Variants in PLCG1 observed in about 807,000 individuals in gnomAD.
The protein encoded by PLCG1 is 1-phosphatidylinositol 4,5-bisphosphate phosphodiesterase gamma-1.
Under a neutral mutation model 177.8 loss-of-function variants are expected in PLCG1, and 71 were observed. The ratio of observed to expected loss-of-function variants is 0.40; its 90% CI spans 0.33 to 0.49. The LOEUF (loss-of-function observed/expected upper bound fraction) is 0.49. PLCG1 is among the 20% of genes least tolerant of loss of function. The pLI is 0.72. For missense variants in PLCG1, 1,281 were observed against 1,709.0 expected, an observed-to-expected ratio of 0.75 and a Z score of 4.42; for synonymous variants, 658 against 647.9, an observed-to-expected ratio of 1.02 and a Z score of -0.24.
intron 24 of PLCG1, among the ~76,000 whole-genome samples, chr20:41,171,194 C>T (rs907094983): frequency 1.3e-5 from 2 of 152,142 alleles, no homozygotes; most frequent in Non-Finnish European, 2.9e-5. Flanking sequence ...GGATAGGGTG[C>T]TTGCCAGGCT....
rs770977029 is a variant in PLCG1, at chr20:41,173,186, T to C, written c.3280-234T>C. ...GTAATGGATTTAACATGAAGTAGATTGCAAAACTCACATGGAAATTTTGGC... is the reference window on the plus strand; with the variant it reads ...GTAATGGATTTAACATGAAGTAGATCGCAAAACTCACATGGAAATTTTGGC... On this transcript the variant is annotated intron_variant, in intron 27 of 31. Coordinates refer to ENST00000685551, the MANE Select transcript of PLCG1 (RefSeq NM_002660.3). This position sits in a 1 kb window ranked among gnomAD's most constrained non-coding sequence, Gnocchi z 6.2. Among the ~76,000 whole-genome samples the C allele has an allele frequency of 6.6e-6, 1 of 152,174 alleles. No homozygotes were observed. Among genetic ancestry groups the C allele is most frequent in the Non-Finnish European group, 1.5e-5 (1 of 68,014 alleles).
At position 41,172,410 on chromosome 20, in the gene PLCG1, G is replaced by C. The variant is rs750646746; in HGVS notation, c.2906-11G>C. 1.9e-6 allele frequency: 3 copies of C among 1,613,010 alleles called. No homozygotes were observed. In the South Asian group the frequency reaches 3.3e-5, roughly 18 times the overall value. On this transcript the variant is annotated splice_polypyrimidine_tract_variant and intron_variant, in intron 25 of 31. Transcript: ENST00000685551. The surrounding 1 kb of genome is among the most constrained non-coding windows in gnomAD (Gnocchi z 7.0). ...GGCGGGCTCTGTAAGTGTTTTCCCT[G>C]TTTGGCCCAGAGATTGGCACAGAAC... is the stretch of plus-strand genomic sequence containing the variant.
In PLCG1 at chr20:41,166,328, G is replaced by A. The variant is rs756135063; in HGVS notation, c.1934G>A (p.Arg645His). The A allele has an allele frequency of 3.1e-6, 5 of 1,614,168 alleles. No individual in the cohort carries two copies. The highest frequency in any genetic ancestry group is 1.7e-5 in the Admixed American group (1 of 60,034). ...ACGCACTACCAGCAGGTGCCCCTGC[G>A]CTGTAATGAGTTTGAGATGCGACTT... The part of the protein sequence containing the change: ...LITHYQQVPL[R>H]CNEFEMRLSE... Residue 645 changes from arginine (R) to histidine (H), a missense_variant, in exon 17 of 32, where the codon CGC becomes CAC. Coordinates refer to ENST00000685551, the MANE Select transcript of PLCG1 (RefSeq NM_002660.3). This position sits in a 1 kb window ranked among gnomAD's most constrained non-coding sequence, Gnocchi z 8.6.
intron 20 of PLCG1, 91 bp downstream of exon 20, chr20:41,168,020 T>G: frequency 1.1e-6 from 1 of 887,584 alleles, no homozygotes; most frequent in Admixed American, 2.0e-5. Context: ...CTGTGGTCTT[T>G]GTGGAGAAGT....
Position 41,174,389 on chromosome 20 carries a change from T to A in PLCG1, c.3833+78T>A. 6.3e-7 allele frequency: 1 copy of A among 1,599,968 alleles called. No homozygotes were observed. The highest frequency in any genetic ancestry group is 8.6e-7 in the Non-Finnish European group (1 of 1,168,476). ...TTCTTCAGTGTTTCTTTCTCCTGGG[T>A]AGAAAAGTTGTAATATTGTCTGGCA... On this transcript the variant is annotated intron_variant, in intron 31 of 31. Coordinates refer to ENST00000685551, the MANE Select transcript of PLCG1 (RefSeq NM_002660.3). The surrounding 1 kb of genome is among the most constrained non-coding windows in gnomAD (Gnocchi z 5.8).
chr20:41,157,237 T>TGTGC lies in PLCG1; in HGVS notation c.218-2366_218-2365insCGTG, dbSNP rs772007519. Among the ~76,000 whole-genome samples, 2 of 150,436 alleles carry TGTGC rather than the reference T, an allele frequency of 1.3e-5. No homozygotes were observed. Among genetic ancestry groups the TGTGC allele is most frequent in the Non-Finnish European group, 3.0e-5 (2 of 67,170 alleles). On this transcript the variant is annotated intron_variant, in intron 1 of 31. Transcript: ENST00000685551. The surrounding 1 kb of genome is among the most constrained non-coding windows in gnomAD (Gnocchi z 5.4). The stretch of plus-strand genomic sequence containing the variant: ...GTGTGTGTGTGTGTGTGTGTGTGTG[T>TGTGC]GTGTACAGTCACACTCACCTTTGCA...
intron 23 of PLCG1, 144 bp from the exon 24 acceptor site, chr20:41,169,968 G>T: frequency 1.4e-6 from 1 of 737,888 alleles, no homozygotes; most frequent in Non-Finnish European, 2.2e-6. Flanking sequence ...AAATGGGCCA[G>T]CAGAGTAGTC....
At position 41,167,678 on chromosome 20, in the gene PLCG1, A is replaced by C. The variant is rs2035747658; in HGVS notation, c.2302-174A>C. ...AGAATGTGAAGAAAGGAAAGGGAAC[A>C]GTGAGGCCGGGCCTGAGGCCTCTGA... On this transcript the variant is annotated intron_variant, in intron 19 of 31. Coordinates refer to ENST00000685551, the MANE Select transcript of PLCG1 (RefSeq NM_002660.3). This position sits in a 1 kb window ranked among gnomAD's most constrained non-coding sequence, Gnocchi z 4.4. 3.3e-6 allele frequency: 2 copies of C among 601,600 alleles called. No homozygotes were observed. The highest frequency in any genetic ancestry group is 5.8e-5 in the Admixed American group (2 of 34,206). The allele number at this position is 601,600 out of a possible 1,614,324, so 37.3% of individuals were successfully genotyped here.
At chr20:41,154,599 A>T (rs1340529555) in intron 1 of PLCG1, among the ~76,000 whole-genome samples, 1 of 150,966 alleles carries the variant, frequency 6.6e-6, no homozygotes, top group Non-Finnish European at 1.5e-5. Context: ...CAGGCCTGTG[A>T]CTTGGCCTGA....
chr20:41,137,665 C>T lies in PLCG1; in HGVS notation c.24C>T (p.Cys8=), dbSNP rs1183232213. MAGAASP[C]ANGCGPGAPS... is the part of the protein sequence containing the mutation. ...CCATGGCGGGCGCCGCGTCCCCTTG[C>T]GCCAACGGCTGCGGGCCCGGCGCGC... The change falls in exon 1 of 32, where the codon TGC becomes TGT. Residue 8 remains cysteine (C), a synonymous_variant. Coordinates refer to ENST00000685551, the MANE Select transcript of PLCG1 (RefSeq NM_002660.3). The surrounding 1 kb of genome is among the most constrained non-coding windows in gnomAD (Gnocchi z 7.3). The T allele has an allele frequency of 5.4e-5, 71 of 1,320,818 alleles. 1 individual carries two copies. The highest frequency in any genetic ancestry group is 6.4e-5 in the Non-Finnish European group (66 of 1,035,200). 81.8% of individuals were successfully genotyped at this position (1,320,818 alleles called of 1,614,324 possible).
At position 41,165,848 on chromosome 20, in the gene PLCG1, C is replaced by T. The variant is rs368929453; in HGVS notation, c.1799+22C>T. On this transcript the variant is annotated intron_variant, in intron 16 of 31. Coordinates refer to ENST00000685551, the MANE Select transcript of PLCG1 (RefSeq NM_002660.3). This position sits in a 1 kb window ranked among gnomAD's most constrained non-coding sequence, Gnocchi z 6.6. ...TCTGGTAACACTTCCCATGCAGATG[C>T]GTATGTTCAGTCAGCGTGTGTACAC... is the stretch of plus-strand genomic sequence containing the variant. 7.5e-5 allele frequency: 116 copies of T among 1,544,820 alleles called. 1 individual carries two copies. In the Admixed American group the frequency reaches 9.2e-4, roughly 12 times the overall value.
rs1421759747 is a variant in PLCG1, at chr20:41,172,700, T to G, written c.3131-29T>G. ...GAGGGGCACTGTGGGGCAGCTGGAC[T>G]GGAATACACCATAATCTGCCTCTTC... On this transcript the variant is annotated intron_variant, in intron 26 of 31. Coordinates refer to ENST00000685551, the MANE Select transcript of PLCG1 (RefSeq NM_002660.3). This position sits in a 1 kb window ranked among gnomAD's most constrained non-coding sequence, Gnocchi z 7.0. The G allele has an allele frequency of 2.5e-6, 4 of 1,612,822 alleles. No individual in the cohort carries two copies. The Admixed American group carries it at 6.7e-5, about 27-fold the overall frequency.
Position 41,175,146 on chromosome 20 carries a change from T to C in PLCG1, c.*637T>C, listed in dbSNP as rs952820650. 6.5e-6 allele frequency: 1 copy of C among 152,708 alleles called. No individual in the cohort carries two copies. Among genetic ancestry groups the C allele is most frequent in the Non-Finnish European group, 1.5e-5 (1 of 68,196 alleles). The allele number at this position is 152,708 out of a possible 1,614,324, so 9.5% of individuals were successfully genotyped here. On this transcript the variant is annotated 3_prime_UTR_variant, in exon 32 of 32. Transcript: ENST00000685551. ...CAGGGGATCATGTTAAAAATAGCAG[T>C]ATTATTTTTCGTCTCAATGGTATTG...
chr20:41,137,778 C>G lies in PLCG1; in HGVS notation c.137C>G (p.Pro46Arg). 7.7e-7 allele frequency: 1 copy of G among 1,297,858 alleles called. No homozygotes were observed. Among genetic ancestry groups the G allele is most frequent in the Non-Finnish European group, 9.8e-7 (1 of 1,015,770 alleles). The allele number at this position is 1,297,858 out of a possible 1,614,324, so 80.4% of individuals were successfully genotyped here. ...TTCTACTCCAAGAAGTCGCAGCGAC[C>G]CGAGCGGAAGACCTTCCAGGTCAAG... is the stretch of plus-strand genomic sequence containing the variant. ...TLFYSKKSQR[P>R]ERKTFQVKLE... The change falls in exon 1 of 32, where the codon CCC (proline) becomes CGC (arginine). Residue 46 changes from proline to arginine, a missense_variant. Physicochemically the swap from Pro to Arg is moderately radical, Grantham distance 103. Coordinates refer to ENST00000685551, the MANE Select transcript of PLCG1 (RefSeq NM_002660.3). This position sits in a 1 kb window ranked among gnomAD's most constrained non-coding sequence, Gnocchi z 7.3.
intron 24 of PLCG1, among the ~76,000 whole-genome samples, chr20:41,171,796 C>T (rs893021818): frequency 6.6e-6 from 1 of 152,080 alleles, no homozygotes; most frequent in Non-Finnish European, 1.5e-5. Context: ...ATCCCCAGTG[C>T]AGTCACAGGT....
chr20:41,169,326 C>G (rs1171505437), intron 22 of PLCG1, 131 bp from the exon 23 acceptor site: 13 of 927,690 alleles, frequency 1.4e-5, no homozygotes, highest in Non-Finnish European at 2.3e-5. Context: ...CACGTAGTCT[C>G]CCATATACCT....
rs2035231379 is a variant in PLCG1, at chr20:41,153,640, T to C, written c.218-5966T>C. Among the ~76,000 whole-genome samples the C allele has an allele frequency of 1.3e-5, 2 of 152,190 alleles. No homozygotes were observed. The highest frequency in any genetic ancestry group is 1.3e-4 in the Admixed American group (2 of 15,278). On this transcript the variant is annotated intron_variant, in intron 1 of 31. Coordinates refer to ENST00000685551, the MANE Select transcript of PLCG1 (RefSeq NM_002660.3). The surrounding 1 kb of genome is among the most constrained non-coding windows in gnomAD (Gnocchi z 5.1). ...GACAGGGCATGGTTGCTCATGCTTC[T>C]AATCCCAGCACTTTGGGAGGCCGAG...
intron 1 of PLCG1, among the ~76,000 whole-genome samples, chr20:41,142,677 G>A (rs1160358330): frequency 6.6e-6 from 1 of 152,182 alleles, no homozygotes; most frequent in Admixed American, 6.5e-5. Flanking sequence ...CAGCTTACTT[G>A]CTCTGTGACC....
intron 5 of PLCG1, 41 bp from the exon 6 acceptor site, chr20:41,162,601 G>A: frequency 6.2e-7 from 1 of 1,605,934 alleles, no homozygotes; most frequent in Non-Finnish European, 8.5e-7. Flanking sequence ...TCAGCTGGGG[G>A]CCTGACTGCC....
Sources: gnomAD v4.1 joint callset for allele counts (sites outside exome capture counted in the v4.1 genomes callset) on GRCh38, gnomAD v4.1.1 for gene constraint, Gnocchi (gnomAD v3.1) non-coding constraint, MANE v1.5 for transcripts, NCBI Gene and HGNC (gene_info 2026-07-23, HGNC 2026-07-21) for gene names.